Variants in RARB observed in about 807,000 individuals in gnomAD.
RARB encodes the protein HBV-activated protein.
In RARB, 17 loss-of-function variants were observed where a neutral mutation model predicts 51.9. The ratio of observed to expected loss-of-function variants is 0.33; its 90% confidence interval spans 0.22 to 0.49. The LOEUF is 0.49. Among genes scored for constraint, RARB ranks in the 20% least tolerant of loss-of-function variants. The probability of loss-of-function intolerance (pLI) is 0.99; values close to 1 mark genes in which losing one functional copy is unlikely to be tolerated. For synonymous variants in RARB, 215 were observed against 195.4 expected (o/e 1.10, Z -0.84); for missense variants, 369 against 550.8 (o/e 0.67, Z 3.30).
At chr3:24,988,144 C>CT (rs1696834399) in intron 2 of RARB, among the ~76,000 whole-genome samples, 1 of 152,132 alleles carries the variant, frequency 6.6e-6, no homozygotes, top group Admixed American at 6.5e-5. Context: ...CTTGGGAGCA[C>CT]TGATGTCATG....
intron 2 of RARB, among the ~76,000 whole-genome samples, chr3:25,498,811 A>T (rs1350449170): frequency 6.6e-6 from 1 of 152,178 alleles, no homozygotes; most frequent in Non-Finnish European, 1.5e-5. Context: ...TCGGCAGAAG[A>T]GCGATGGAGG....
intron 5 of RARB, among the ~76,000 whole-genome samples, chr3:25,353,988 T>G (rs1320138048): frequency 1.3e-5 from 2 of 152,106 alleles, no homozygotes; most frequent in African/African-American, 4.8e-5. Context: ...AGCACATTCA[T>G]AGTTTTTGTG....
intron 2 of RARB, among the ~76,000 whole-genome samples, chr3:24,883,919 G>T (rs1703224768): frequency 6.6e-6 from 1 of 151,966 alleles, no homozygotes; most frequent in African/African-American, 2.4e-5. Flanking sequence ...GGCTCTATGT[G>T]GTTATTTAAT....
rs1205162548 is a variant in RARB, at chr3:25,467,658, C to T, written c.306+6317C>T. On this transcript the variant is annotated intron_variant, in intron 2 of 7. Transcript: ENST00000330688. ...TGGATGAAGAAATAAACTTCACCTC[C>T]TAAGGGGAGAAGTGACAAAGTCACC... Among the ~76,000 whole-genome samples, 3 of 152,190 alleles carry T rather than the reference C, an allele frequency of 2.0e-5. No homozygotes were observed. The East Asian group carries it at 5.8e-4, about 29-fold the overall frequency.
At chr3:25,046,931 G>A (rs1469426844) in intron 2 of RARB, among the ~76,000 whole-genome samples, 1 of 152,120 alleles carries the variant, frequency 6.6e-6, no homozygotes, top group African/African-American at 2.4e-5. Context: ...TTTTGGCTCA[G>A]GAACACTTAT....
At chr3:24,882,890 C>T (rs1404243001) in intron 2 of RARB, among the ~76,000 whole-genome samples, 9 of 152,204 alleles carry the variant, frequency 5.9e-5, no homozygotes. Flanking sequence ...TGACCAATTA[C>T]ACCTAGTTGG....
At chr3:25,194,024 T>C (rs1442419402) in intron 5 of RARB, among the ~76,000 whole-genome samples, 1 of 151,842 alleles carries the variant, frequency 6.6e-6, no homozygotes, top group Non-Finnish European at 1.5e-5. Context: ...CATTAACTGA[T>C]GAATGGATAA....
At chr3:24,962,514 C>T (rs112182879) in intron 2 of RARB, among the ~76,000 whole-genome samples, 1,553 of 152,290 alleles carry the variant, frequency 0.01, 9 homozygotes, top group Middle Eastern at 0.02. Context: ...GGGCCACAGA[C>T]CGATACCAGT....
intron 2 of RARB, among the ~76,000 whole-genome samples, chr3:25,043,953 T>C (rs1429145988): frequency 6.6e-6 from 1 of 152,098 alleles, no homozygotes; most frequent in Non-Finnish European, 1.5e-5. Context: ...ATAGAAAGCA[T>C]GTGTGTGTGG....
chr3:24,938,217 C>G (rs1326546846), intron 2 of RARB, among the ~76,000 whole-genome samples: 4 of 152,140 alleles, frequency 2.6e-5, no homozygotes, highest in Non-Finnish European at 5.9e-5. Flanking sequence ...GAAATTGACA[C>G]TTTTATATGT....
intron 3 of RARB, among the ~76,000 whole-genome samples, chr3:25,532,572 C>T (rs1466305750): frequency 6.6e-6 from 1 of 152,178 alleles, no homozygotes; most frequent in Non-Finnish European, 1.5e-5. Flanking sequence ...CTTTGTAGCA[C>T]TTTGCCTCCC....
At chr3:25,534,028 C>G (rs1004762908) in intron 3 of RARB, among the ~76,000 whole-genome samples, 3 of 152,192 alleles carry the variant, frequency 2.0e-5, no homozygotes, top group African/African-American at 7.2e-5. Context: ...TTAAGAAATG[C>G]TTTTACTATG....
Position 25,481,400 on chromosome 3 carries a change from TTG to T in RARB, c.307-19781_307-19780del, listed in dbSNP as rs1466267608. Among the ~76,000 whole-genome samples the T allele has an allele frequency of 3.9e-5, 6 of 152,350 alleles. No homozygotes were observed. The East Asian group carries it at 1.2e-3, about 29-fold the overall frequency. On this transcript the variant is annotated intron_variant, in intron 2 of 7. Transcript: ENST00000330688. ...GATGAAAATAAAAGAATTATGTTTT[TTG>T]AATTTTTCTGCATTTAAAAATTTTT...
chr3:25,537,597 C>T (rs1333771043), intron 3 of RARB, among the ~76,000 whole-genome samples: 1 of 152,040 alleles, frequency 6.6e-6, no homozygotes, highest in East Asian at 1.9e-4. Flanking sequence ...CATGAAAATG[C>T]CTGTGGAATG....
chr3:25,340,477 G>A (rs1705196145), intron 5 of RARB, among the ~76,000 whole-genome samples: 1 of 152,134 alleles, frequency 6.6e-6, no homozygotes, highest in African/African-American at 2.4e-5. Flanking sequence ...GAGGAAATAG[G>A]AATGCGTATT....
intron 2 of RARB, among the ~76,000 whole-genome samples, chr3:25,470,340 T>G (rs1695623985): frequency 6.6e-6 from 1 of 152,200 alleles, no homozygotes; most frequent in African/African-American, 2.4e-5. Flanking sequence ...ATGGTAAATA[T>G]TCATTGGATG....
Position 24,982,782 on chromosome 3 carries a change from G to A in RARB, c.-379-77343G>A, listed in dbSNP as rs77930842. On this transcript the variant is annotated intron_variant, in intron 2 of 11. Transcript: ENST00000383772. ...GGGGGAATTTTAGAAATGTGTTGGA[G>A]TGTTTGGGGGCTGGGGCATCATAAT... Among the ~76,000 whole-genome samples, 56 of 152,280 alleles carry A rather than the reference G, an allele frequency of 3.7e-4. No homozygotes were observed. The East Asian group carries it at 9.7e-3, about 26-fold the overall frequency.
intron 5 of RARB, chr3:25,345,925 G>T (rs1026758877): frequency 4.6e-6 from 4 of 872,420 alleles, no homozygotes; most frequent in Non-Finnish European, 5.5e-6. Flanking sequence ...AGAGAAAAAT[G>T]TTTAAACCAC....
intron 1 of RARB, among the ~76,000 whole-genome samples, chr3:24,834,506 T>C (rs1343352877): frequency 6.6e-6 from 1 of 152,162 alleles, no homozygotes; most frequent in East Asian, 1.9e-4. Context: ...CCCAGAACTG[T>C]TGTAGCAGGC....
Sources: gnomAD v4.1 joint callset for allele counts (sites outside exome capture counted in the v4.1 genomes callset) on GRCh38, gnomAD v4.1.1 for gene constraint, MANE v1.5 for transcripts, NCBI Gene and HGNC (gene_info 2026-07-23, HGNC 2026-07-21) for gene names.